The following RSF1 variants were observed in gnomAD, a reference collection of about 807,000 sequenced individuals.
The protein encoded by RSF1 is remodeling and spacing factor 1, also known as HBV pX-associated protein 8.
Under a neutral mutation model 145.2 loss-of-function variants are expected in RSF1, and 13 were observed. The ratio of observed to expected loss-of-function variants is 0.09; its 90% CI spans 0.06 to 0.14. The LOEUF (loss-of-function observed/expected upper bound fraction) is 0.14, where lower values mean the gene tolerates loss of function less well. Ranked by LOEUF, RSF1 falls within the 10% of genes least tolerant of loss-of-function variation. The pLI is 1.00. For missense variants in RSF1, 1,517 were observed against 1,718.2 expected (o/e 0.88, Z 2.07); for synonymous variants, 577 against 592.6 (o/e 0.97, Z 0.38).
chr11:77,789,081 G>A (rs907073669), intron 1 of RSF1, among the ~76,000 whole-genome samples: 2 of 152,068 alleles, frequency 1.3e-5, no homozygotes, highest in African/African-American at 2.4e-5. Context: ...AAACATCTAC[G>A]GCAAGGAAGG....
At chr11:77,722,724 T>C (rs1252852917) in intron 5 of RSF1, among the ~76,000 whole-genome samples, 1 of 152,222 alleles carries the variant, frequency 6.6e-6, no homozygotes, top group Non-Finnish European at 1.5e-5. Flanking sequence ...TGAAAATCCA[T>C]ATGCAGCATT....
At chr11:77,867,182 A>G in the RSF1 span, among the ~76,000 whole-genome samples, 2 of 152,154 alleles carry the variant, frequency 1.3e-5, no homozygotes, top group Non-Finnish European at 2.9e-5. Context: ...TCCTATCTCC[A>G]TAACGTCTCA....
At chr11:77,812,656 C>T (rs946373923) in intron 1 of RSF1, among the ~76,000 whole-genome samples, 2 of 152,064 alleles carry the variant, frequency 1.3e-5, no homozygotes, top group African/African-American at 4.8e-5. Flanking sequence ...GAGGCCGGGG[C>T]AGGCAGATCA....
At chr11:77,822,067 G>A (rs1948934093), upstream of RSF1, among the ~76,000 whole-genome samples, 1 of 151,982 alleles carries the variant, frequency 6.6e-6, no homozygotes, top group Admixed American at 6.6e-5. Flanking sequence ...ACTGAATTCC[G>A]CTATATTTAT....
chr11:77,705,900 C>T (rs1960537021), intron 5 of RSF1, among the ~76,000 whole-genome samples: 1 of 151,902 alleles, frequency 6.6e-6, no homozygotes, highest in Non-Finnish European at 1.5e-5. Flanking sequence ...AACAAAAAAA[C>T]CCACCACACA....
At position 77,785,963 on chromosome 11, in the gene RSF1, C is replaced by T. The variant is rs939432106; in HGVS notation, c.188-21274G>A. ...AAAAAAAAAAAAAAAAAGAATTATA[C>T]GTAGATCTATTTGTTAAACATGAAC... On this transcript the variant is annotated intron_variant, in intron 1 of 15. Transcript: ENST00000308488. Among the ~76,000 whole-genome samples, 44 of 120,668 alleles carry T rather than the reference C, an allele frequency of 3.6e-4. No homozygotes were observed. In the Middle Eastern group the frequency reaches 0.015, roughly 42 times the overall value. 79.2% of individuals were successfully genotyped at this position (120,668 alleles called of 152,430 possible).
chr11:77,788,646 A>G (rs1948485976), intron 1 of RSF1, among the ~76,000 whole-genome samples: 1 of 152,182 alleles, frequency 6.6e-6, no homozygotes, highest in Admixed American at 6.5e-5. Context: ...CTAAAGCAGT[A>G]TTTGTAGAAA....
intron 1 of RSF1, among the ~76,000 whole-genome samples, chr11:77,767,281 C>A (rs1948236095): frequency 6.6e-6 from 1 of 152,148 alleles, no homozygotes; most frequent in Non-Finnish European, 1.5e-5. Context: ...ACATCTTAAA[C>A]CTGCCTCCTA....
At chr11:77,859,885 G>C in the RSF1 span, among the ~76,000 whole-genome samples, 1 of 152,224 alleles carries the variant, frequency 6.6e-6, no homozygotes. Flanking sequence ...TAAGTAAATG[G>C]TTGTCTGACA....
At chr11:77,735,131 G>A (rs750237606) in intron 4 of RSF1, 12 of 734,210 alleles carry the variant, frequency 1.6e-5, no homozygotes, top group Non-Finnish European at 1.9e-5. Context: ...AGGTGAGGGA[G>A]GGCTGGCTAT....
At chr11:77,711,878 C>A (rs961844046) in intron 5 of RSF1, among the ~76,000 whole-genome samples, 3 of 151,822 alleles carry the variant, frequency 2.0e-5, no homozygotes, top group Non-Finnish European at 1.5e-5. Context: ...TTCTTTTTTT[C>A]CTTGGTCTCC....
Position 77,700,920 on chromosome 11 carries a change from T to A in RSF1, c.2309A>T (p.Asn770Ile), listed in dbSNP as rs1053289338. Residue 770 changes from asparagine to isoleucine, a missense_variant, in exon 6 of 16, where the codon AAT (asparagine) becomes ATT (isoleucine). Physicochemically the swap from Asn to Ile is moderately radical, Grantham distance 149 (BLOSUM62 -3). Around this residue, in one of 12 missense-constraint regions of RSF1, gnomAD observed 579 missense variants for 553.5 expected, o/e 1.05. Coordinates refer to ENST00000308488, the MANE Select transcript of RSF1 (RefSeq NM_016578.4). Reference protein sequence around the residue: ...EKTEKEEEKTNVGRTLRRSPR... With the variant: ...EKTEKEEEKTIVGRTLRRSPR... The stretch of plus-strand genomic sequence containing the variant: ...AGATCTTCTTAAAGTACGACCCACA[T>A]TTGTTTTCTCCTCTTCCTTTTCTGT... The A allele has an allele frequency of 2.5e-6, 4 of 1,613,626 alleles. No homozygotes were observed. In the Admixed American group the frequency reaches 5.0e-5, roughly 20 times the overall value.
At chr11:77,797,242 G>A (rs987929798) in intron 1 of RSF1, among the ~76,000 whole-genome samples, 1 of 152,150 alleles carries the variant, frequency 6.6e-6, no homozygotes, top group African/African-American at 2.4e-5. Flanking sequence ...GAGGCATCAA[G>A]CTACCTGACT....
intron 4 of RSF1, chr11:77,738,727 C>T (rs912012822): frequency 6.6e-6 from 1 of 152,092 alleles, no homozygotes; most frequent in African/African-American, 2.4e-5. Context: ...GTTGCCCAGG[C>T]TGGAGAACAG....
intron 2 of RSF1, among the ~76,000 whole-genome samples, chr11:77,754,178 TCAAA>T (rs1230087469): frequency 1.3e-5 from 2 of 152,044 alleles, no homozygotes; most frequent in East Asian, 3.9e-4. Flanking sequence ...TATGAGGCAG[TCAAA>T]CAGGAAAACT....
chr11:77,861,066 G>T, the RSF1 span, among the ~76,000 whole-genome samples: 1 of 152,134 alleles, frequency 6.6e-6, no homozygotes, highest in Non-Finnish European at 1.5e-5. Context: ...ACGGAAAGGA[G>T]GCAGAATCCT....
rs1948853828 is a variant in RSF1 at position 77,820,421 on chromosome 11, C to T, written c.187+107G>A. 7 of 1,209,314 alleles carry T rather than the reference C, an allele frequency of 5.8e-6. No homozygotes were observed. The South Asian group carries it at 1.1e-4, about 18-fold the overall frequency. 74.9% of individuals were successfully genotyped at this position (1,209,314 alleles called of 1,614,324 possible). A position where few individuals can be genotyped will look rare whatever the true frequency, so the allele number is the denominator to read the frequency against. ...GCGGAGTTGCGTCCCAGGGGGAAGA[C>T]AGAGCCGCGGAGGCCCGAGCCGCGA... On this transcript the variant is annotated intron_variant, in intron 1 of 15. Coordinates refer to ENST00000308488, the MANE Select transcript of RSF1 (RefSeq NM_016578.4).
upstream of RSF1, among the ~76,000 whole-genome samples, chr11:77,823,718 TAA>T (rs1199383011): frequency 6.6e-6 from 1 of 152,026 alleles, no homozygotes; most frequent in Non-Finnish European, 1.5e-5. Flanking sequence ...ACTGGTTACT[TAA>T]CTGACCTTAA....
intron 6 of RSF1, 114 bp downstream of exon 6, chr11:77,700,607 G>T: frequency 1.4e-6 from 1 of 706,604 alleles, no homozygotes; most frequent in Non-Finnish European, 2.2e-6. Flanking sequence ...ATCTCAGACA[G>T]AGGAAGAAAG....
Sources: gnomAD v4.1 joint callset for allele counts (sites outside exome capture counted in the v4.1 genomes callset) on GRCh38, gnomAD v4.1.1 for gene constraint, gnomAD v4.1.1 regional missense constraint, MANE v1.5 for transcripts, NCBI Gene and HGNC (gene_info 2026-07-23, HGNC 2026-07-21) for gene names.